The following MPPED2 variants were observed in gnomAD, a reference collection of about 807,000 sequenced individuals.
MPPED2 encodes the protein metallophosphoesterase MPPED2.
A neutral mutation model predicts 33.0 loss-of-function variants in MPPED2; 5 were observed. The observed-to-expected ratio is 0.15, with a 90% CI of 0.08 to 0.32. MPPED2 has a LOEUF of 0.32. MPPED2 is among the 10% of genes least tolerant of loss of function. The probability of loss-of-function intolerance (pLI) is 1.00; values close to 1 mark genes in which losing one functional copy is unlikely to be tolerated. For missense variants in MPPED2, 275 were observed against 372.1 expected, an observed-to-expected ratio of 0.74 and a Z score of 2.15; for synonymous variants, 136 against 141.9, an observed-to-expected ratio of 0.96 and a Z score of 0.29.
chr11:30,471,015 T>C (rs1299239765), intron 4 of MPPED2, among the ~76,000 whole-genome samples: 1 of 152,184 alleles, frequency 6.6e-6, no homozygotes, highest in Admixed American at 6.5e-5. Flanking sequence ...ATAGGGCTCC[T>C]TGGAAAAAGA....
At chr11:30,573,937 C>G (rs1007553829) in intron 2 of MPPED2, among the ~76,000 whole-genome samples, 2 of 152,074 alleles carry the variant, frequency 1.3e-5, no homozygotes, top group African/African-American at 4.8e-5. Context: ...CATTTTTGTA[C>G]AGCTGTACAA....
chr11:30,498,945 G>A (rs989760679), intron 3 of MPPED2, among the ~76,000 whole-genome samples: 1 of 152,166 alleles, frequency 6.6e-6, no homozygotes, highest in Non-Finnish European at 1.5e-5. Context: ...AAAAGAGGCA[G>A]TTATTTGAGT....
rs182514233 is a variant in MPPED2 at position 30,504,834 on chromosome 11, C to T, written c.311-9313G>A. 33 of 1,276,410 alleles carry T rather than the reference C, an allele frequency of 2.6e-5. No homozygotes were observed. In the Admixed American group the frequency reaches 5.1e-4, roughly 20 times the overall value. The allele number at this position is 1,276,410 out of a possible 1,614,324, so 79.1% of individuals were successfully genotyped here. ...CCATGCTTGCAATGGGAAACCAGGT[C>T]TAAGAAATATTAAACACAGAAAACT... On this transcript the variant is annotated intron_variant, in intron 3 of 6. Coordinates refer to ENST00000358117, the MANE Select transcript of MPPED2 (RefSeq NM_001584.3).
intron 2 of MPPED2, among the ~76,000 whole-genome samples, chr11:30,560,302 G>GT (rs370373531): frequency 3.5e-4 from 51 of 144,822 alleles, no homozygotes; most frequent in African/African-American, 6.7e-4. Flanking sequence ...TGACTAACAA[G>GT]TTTTTTTTTT....
In MPPED2 at chr11:30,495,531, G is replaced by A; in HGVS notation, c.311-10C>T. 1 of 1,600,434 alleles carries A rather than the reference G, an allele frequency of 6.2e-7. No homozygotes were observed. Among genetic ancestry groups the A allele is most frequent in the Non-Finnish European group, 8.6e-7 (1 of 1,168,562 alleles). On this transcript the variant is annotated splice_polypyrimidine_tract_variant and intron_variant, in intron 3 of 6. Transcript: ENST00000358117. ...TCATATGGCAGGTTTCCTGAAATAA[G>A]AAAAAAGAGCACCAATTAGCACGTT...
chr11:30,500,337 A>G (rs1190430580), intron 3 of MPPED2, among the ~76,000 whole-genome samples: 2 of 151,850 alleles, frequency 1.3e-5, no homozygotes, highest in African/African-American at 4.8e-5. Flanking sequence ...TTTGCATCCT[A>G]TCTCATCTGC....
intron 2 of MPPED2, among the ~76,000 whole-genome samples, chr11:30,578,682 C>T (rs1957033236): frequency 6.6e-6 from 1 of 152,140 alleles, no homozygotes; most frequent in South Asian, 2.1e-4. Flanking sequence ...ACAGCATCTA[C>T]AAAGTTCCTT....
At chr11:30,531,282 G>T (rs1194281934) in intron 3 of MPPED2, among the ~76,000 whole-genome samples, 1 of 152,200 alleles carries the variant, frequency 6.6e-6, no homozygotes, top group African/African-American at 2.4e-5. Flanking sequence ...TAGACTAGAT[G>T]CCCTGAAGAC....
At chr11:30,538,834 G>A (rs367806164) in intron 2 of MPPED2, among the ~76,000 whole-genome samples, 284 of 152,216 alleles carry the variant, frequency 1.9e-3, no homozygotes, top group African/African-American at 6.4e-3. Context: ...GAAGTGAGGC[G>A]TATACAGATG....
intron 4 of MPPED2, among the ~76,000 whole-genome samples, chr11:30,472,883 A>C (rs1179014760): frequency 1.3e-5 from 2 of 152,228 alleles, no homozygotes; most frequent in East Asian, 3.8e-4. Context: ...TTAAAATGGT[A>C]AATTCTACAA....
rs549001364 is a variant in MPPED2, at chr11:30,508,735, C to T, written c.311-13214G>A. On this transcript the variant is annotated intron_variant, in intron 3 of 6. Transcript: ENST00000358117. ...TTCCCAGATTCTCTATTATTGCCCA[C>T]AGACAAAGGGCCAAACGTTCTGTGG... 1.2e-4 allele frequency among the ~76,000 whole-genome samples: 19 copies of T among 152,296 alleles called. No individual in the cohort carries two copies. The South Asian group carries it at 3.7e-3, about 30-fold the overall frequency.
chr11:30,543,792 C>CTTT (rs35206591), intron 2 of MPPED2, among the ~76,000 whole-genome samples: 8 of 106,626 alleles, frequency 7.5e-5, no homozygotes, highest in Non-Finnish European at 1.6e-4. Flanking sequence ...TGGCGTTGTT[C>CTTT]TTTTTTTTTT....
At chr11:30,451,733 T>C in intron 4 of MPPED2, 1 of 981,420 alleles carries the variant, frequency 1.0e-6, no homozygotes, top group Non-Finnish European at 1.2e-6. Flanking sequence ...ACAACTGTTT[T>C]CTGCTGTAGG....
intron 4 of MPPED2, among the ~76,000 whole-genome samples, chr11:30,479,344 T>C (rs1034823118): frequency 1.3e-5 from 2 of 152,152 alleles, no homozygotes; most frequent in African/African-American, 2.4e-5. Flanking sequence ...GATAATTACA[T>C]ATAATGTCAA....
At chr11:30,471,221 T>C (rs1950933853) in intron 4 of MPPED2, among the ~76,000 whole-genome samples, 1 of 152,210 alleles carries the variant, frequency 6.6e-6, no homozygotes, top group African/African-American at 2.4e-5. Context: ...ATCCTCAACA[T>C]CTTGTTCCTG....
chr11:30,434,793 C>T (rs2133864610), intron 4 of MPPED2, among the ~76,000 whole-genome samples: 1 of 152,270 alleles, frequency 6.6e-6, no homozygotes, highest in East Asian at 1.9e-4. Context: ...GTACAGTTAT[C>T]TGCTGGGTAC....
chr11:30,554,575 C>T (rs1353818666), intron 2 of MPPED2, among the ~76,000 whole-genome samples: 1 of 142,972 alleles, frequency 7.0e-6, no homozygotes, highest in East Asian at 2.1e-4. Flanking sequence ...GCTGCAACCT[C>T]TGCCTCTCAG....
chr11:30,551,235 C>A (rs1177899756), intron 2 of MPPED2, among the ~76,000 whole-genome samples: 1 of 152,160 alleles, frequency 6.6e-6, no homozygotes, highest in Non-Finnish European at 1.5e-5. Context: ...CCATGCCAAG[C>A]ACTTTATGAA....
At chr11:30,398,796 G>A (rs542557759) in intron 6 of MPPED2, among the ~76,000 whole-genome samples, 70 of 152,278 alleles carry the variant, frequency 4.6e-4, no homozygotes, top group African/African-American at 1.5e-3. Flanking sequence ...TAAGGAGCAT[G>A]AAATGGTATG....
Sources: allele counts gnomAD v4.1 joint callset (sites outside exome capture counted in the v4.1 genomes callset), GRCh38; gene constraint gnomAD v4.1.1; transcripts MANE v1.5; gene names NCBI Gene and HGNC (gene_info 2026-07-23, HGNC 2026-07-21).